Variants in SLCO3A1 observed in about 807,000 individuals in gnomAD.
SLCO3A1 encodes PGE1 transporter.
A neutral mutation model predicts 63.1 loss-of-function variants in SLCO3A1; 27 were observed. The ratio of observed to expected loss-of-function variants is 0.43; its 90% CI spans 0.32 to 0.59. The LOEUF (loss-of-function observed/expected upper bound fraction) is 0.59. Ranked by LOEUF, SLCO3A1 falls within the 20% of genes least tolerant of loss-of-function variation. SLCO3A1 has a pLI of 0.09. For synonymous variants in SLCO3A1, 473 were observed against 409.9 expected, an observed-to-expected ratio of 1.15 and a Z score of -1.86; for missense variants, 773 against 945.8, an observed-to-expected ratio of 0.82 and a Z score of 2.40.
In SLCO3A1 at chr15:92,094,834, G is replaced by T; in HGVS notation, c.647-47G>T. 4 of 1,261,540 alleles carry T rather than the reference G, an allele frequency of 3.2e-6. No homozygotes were observed. In the South Asian group the frequency reaches 3.6e-5, roughly 11 times the overall value. The allele number at this position is 1,261,540 out of a possible 1,614,324, so 78.1% of individuals were successfully genotyped here. ...TTGACCTTTGGTGATTTTGCTCATC[G>T]AATAGCTTCTGTTTTGTAATCTATT... On this transcript the variant is annotated intron_variant, in intron 2 of 9. Transcript: ENST00000318445.
intron 2 of SLCO3A1, among the ~76,000 whole-genome samples, chr15:92,010,344 C>G (rs752202713): frequency 6.6e-6 from 1 of 152,134 alleles, no homozygotes; most frequent in Non-Finnish European, 1.5e-5. Context: ...TGGTGATGCA[C>G]GTTAACATAT....
At position 91,900,571 on chromosome 15, in the gene SLCO3A1, C is replaced by T. The variant is rs531316244; in HGVS notation, c.181-15422C>T. On this transcript the variant is annotated intron_variant, in intron 1 of 9. Transcript: ENST00000318445. The surrounding 1 kb of genome is among the most constrained non-coding windows in gnomAD (Gnocchi z 4.3). ...CTCAAACTGCTGACCTCAGGTGATC[C>T]GCCCGCCTTGGCCTCCCAAAGTGCT... Among the ~76,000 whole-genome samples, 16 of 152,270 alleles carry T rather than the reference C, an allele frequency of 1.1e-4. No homozygotes were observed. Among genetic ancestry groups the T allele is most frequent in the Admixed American group, 4.6e-4 (7 of 15,302 alleles).
intron 2 of SLCO3A1, among the ~76,000 whole-genome samples, chr15:91,963,412 G>GAGGC (rs55961800): frequency 1.7e-5 from 1 of 58,228 alleles, no homozygotes. Context: ...GGAGGGTGGG[G>GAGGC]GGGGGGGGCG....
At chr15:91,955,282 C>T (rs1900132785) in intron 2 of SLCO3A1, among the ~76,000 whole-genome samples, 1 of 152,084 alleles carries the variant, frequency 6.6e-6, no homozygotes, top group African/African-American at 2.4e-5. Context: ...AGGCTTCCAT[C>T]TAGATTCTTA....
Position 92,165,469 on chromosome 15 carries a change from T to A in SLCO3A1, c.*2334T>A. ...TCAGTACACACACACTGAGGCCCTT[T>A]GACCTAGTGTTTTATGGAACTATTT... On this transcript the variant is annotated 3_prime_UTR_variant, in exon 10 of 10. Transcript: ENST00000318445. 2.0e-6 allele frequency: 2 copies of A among 983,450 alleles called. No individual in the cohort carries two copies. The highest frequency in any genetic ancestry group is 2.4e-6 in the Non-Finnish European group (2 of 828,164). 60.9% of individuals were successfully genotyped at this position (983,450 alleles called of 1,614,324 possible). A position where few individuals can be genotyped will look rare whatever the true frequency, so the allele number is the denominator to read the frequency against.
chr15:92,078,127 G>A (rs1245077433), intron 2 of SLCO3A1, among the ~76,000 whole-genome samples: 3 of 152,198 alleles, frequency 2.0e-5, no homozygotes, highest in Admixed American at 6.5e-5. Flanking sequence ...TCTCGAGGTA[G>A]CAGTGGGCTT....
intron 5 of SLCO3A1, among the ~76,000 whole-genome samples, chr15:92,123,941 A>AC (rs752698394): frequency 6.6e-6 from 1 of 152,196 alleles, no homozygotes; most frequent in Non-Finnish European, 1.5e-5. Context: ...GGCAGGAGGC[A>AC]CCTTCTCCTG....
intron 2 of SLCO3A1, among the ~76,000 whole-genome samples, chr15:91,930,143 C>G (rs1459899751): frequency 2.0e-5 from 3 of 152,218 alleles, no homozygotes; most frequent in Non-Finnish European, 4.4e-5. Context: ...GTCCTCCCCT[C>G]TCTCTTCCTG....
intron 2 of SLCO3A1, among the ~76,000 whole-genome samples, chr15:91,951,477 T>A (rs1272626713): frequency 1.3e-5 from 2 of 152,200 alleles, no homozygotes; most frequent in African/African-American, 2.4e-5. Context: ...ATTTGGTTAT[T>A]TCCACTTTTT....
In SLCO3A1 at chr15:92,109,693, G is replaced by C. The variant is rs148484025; in HGVS notation, c.1009+5151G>C. On this transcript the variant is annotated intron_variant, in intron 4 of 9. Transcript: ENST00000318445. ...TAGCAGGTGCCAGCTGAGTGGGCAGGGCTGGGGCCTCAGGCTCAGAGTCTT... is the reference window on the plus strand; with the variant it reads ...TAGCAGGTGCCAGCTGAGTGGGCAGCGCTGGGGCCTCAGGCTCAGAGTCTT... 6.0e-3 allele frequency among the ~76,000 whole-genome samples: 917 copies of C among 152,290 alleles called. 11 individuals carry two copies. The highest frequency in any genetic ancestry group is 0.021 in the African/African-American group (857 of 41,548).
rs1896990366 is a variant in SLCO3A1, at chr15:91,859,056, T to C, written c.180+4968T>C. Reference sequence around the variant, plus strand: ...GGAGTCAAAGTACTTCTCTTCTGCATATGTACTCTATTCTGTACATTGCCG... The same window carrying C: ...GGAGTCAAAGTACTTCTCTTCTGCACATGTACTCTATTCTGTACATTGCCG... On this transcript the variant is annotated intron_variant, in intron 1 of 9. Transcript: ENST00000318445. The surrounding 1 kb of genome is among the most constrained non-coding windows in gnomAD (Gnocchi z 5.1). Among the ~76,000 whole-genome samples the C allele has an allele frequency of 6.6e-6, 1 of 152,270 alleles. No individual in the cohort carries two copies. The highest frequency in any genetic ancestry group is 1.5e-5 in the Non-Finnish European group (1 of 68,050).
chr15:91,909,541 G>A (rs565748479), intron 1 of SLCO3A1, among the ~76,000 whole-genome samples: 3 of 152,290 alleles, frequency 2.0e-5, no homozygotes, highest in Admixed American at 2.0e-4. Context: ...TTTAGCATCT[G>A]CTCCCTGACA....
intron 2 of SLCO3A1, among the ~76,000 whole-genome samples, chr15:91,931,072 A>G (rs1226058814): frequency 2.0e-5 from 3 of 152,218 alleles, no homozygotes; most frequent in Non-Finnish European, 4.4e-5. Context: ...TATTGACCAA[A>G]TGTGCTCAGA....
chr15:91,855,477 G>A (rs1896894184), intron 1 of SLCO3A1, among the ~76,000 whole-genome samples: 1 of 152,150 alleles, frequency 6.6e-6, no homozygotes, highest in African/African-American at 2.4e-5. Flanking sequence ...TTTACATCCC[G>A]GTCTCTGTCT....
downstream of SLCO3A1, among the ~76,000 whole-genome samples, chr15:92,167,841 G>A (rs2151608507): frequency 6.6e-6 from 1 of 152,316 alleles, no homozygotes; most frequent in Middle Eastern, 3.4e-3. Context: ...GAAAATTTTG[G>A]AAAGCAAAGA....
intron 5 of SLCO3A1, among the ~76,000 whole-genome samples, chr15:92,125,764 G>C (rs1258271060): frequency 6.6e-6 from 1 of 151,688 alleles, no homozygotes; most frequent in Admixed American, 6.6e-5. Context: ...TCCATCTCTT[G>C]GTAGTCCCCT....
intron 2 of SLCO3A1, among the ~76,000 whole-genome samples, chr15:91,943,783 T>C (rs1899704046): frequency 6.6e-6 from 1 of 152,170 alleles, no homozygotes; most frequent in African/African-American, 2.4e-5. Context: ...ATGTATTCCC[T>C]CCATCTGTGC....
rs1899871120 is a variant in SLCO3A1 at position 91,948,064 on chromosome 15, G to T, written c.646+31606G>T. Among the ~76,000 whole-genome samples the T allele has an allele frequency of 6.6e-6, 1 of 152,184 alleles. No individual in the cohort carries two copies. Among genetic ancestry groups the T allele is most frequent in the Non-Finnish European group, 1.5e-5 (1 of 68,038 alleles). ...AGCAGAATTCAGATGACAGATAGAC[G>T]AATGGAGATAAAATAGAGATTGACT... On this transcript the variant is annotated intron_variant, in intron 2 of 9. Transcript: ENST00000318445. The surrounding 1 kb of genome is among the most constrained non-coding windows in gnomAD (Gnocchi z 4.8).
chr15:91,867,206 A>G (rs1897186903), intron 1 of SLCO3A1, among the ~76,000 whole-genome samples: 1 of 152,182 alleles, frequency 6.6e-6, no homozygotes, highest in African/African-American at 2.4e-5. Context: ...GTGTGGTGAA[A>G]TGTGGCTGGA....
Sources: allele counts gnomAD v4.1 joint callset (sites outside exome capture counted in the v4.1 genomes callset), GRCh38; gene constraint gnomAD v4.1.1; non-coding constraint Gnocchi (gnomAD v3.1); transcripts MANE v1.5; gene names NCBI Gene and HGNC (gene_info 2026-07-23, HGNC 2026-07-21).